TRAPPC9: variants seen among roughly 807,000 people sequenced by gnomAD.
TRAPPC9 encodes trafficking protein particle complex subunit 9.
TRAPPC9 carries 83 observed loss-of-function variants against 124.0 expected under a neutral mutation model. The ratio of observed to expected loss-of-function variants is 0.67; its 90% CI spans 0.56 to 0.80. TRAPPC9 has a LOEUF of 0.80. TRAPPC9 is among the 30% of genes least tolerant of loss of function. The pLI is 0.00. For synonymous variants in TRAPPC9, 638 were observed against 617.5 expected, an observed-to-expected ratio of 1.03 and a Z score of -0.49; for missense variants, 1,302 against 1,508.3, an observed-to-expected ratio of 0.86 and a Z score of 2.27.
chr8:139,734,023 C>G (rs577372187), intron 21 of TRAPPC9, among the ~76,000 whole-genome samples: 1 of 152,348 alleles, frequency 6.6e-6, no homozygotes, highest in Admixed American at 6.5e-5. Flanking sequence ...AGACCCCAAG[C>G]CACTCTTTCG....
At chr8:139,770,379 T>C (rs151041349) in intron 21 of TRAPPC9, among the ~76,000 whole-genome samples, 4 of 152,366 alleles carry the variant, frequency 2.6e-5, no homozygotes, top group Middle Eastern at 3.4e-3. Flanking sequence ...CATGTTTTGC[T>C]CCTTTGCAGA....
chr8:140,343,059 C>T (rs1406750844), intron 9 of TRAPPC9, among the ~76,000 whole-genome samples: 1 of 152,120 alleles, frequency 6.6e-6, no homozygotes, highest in Non-Finnish European at 1.5e-5. Flanking sequence ...AAAAATAACA[C>T]ATTATTGTTT....
At chr8:140,079,609 G>A (rs1843701974) in intron 17 of TRAPPC9, among the ~76,000 whole-genome samples, 1 of 152,124 alleles carries the variant, frequency 6.6e-6, no homozygotes, top group African/African-American at 2.4e-5. Context: ...TGGCACACTG[G>A]CAACAAAAAC....
rs946458380 is a variant in TRAPPC9, at chr8:139,778,277, T to TA, written c.3056-46076dup. On this transcript the variant is annotated intron_variant, in intron 21 of 22. Coordinates refer to ENST00000438773, the MANE Select transcript of TRAPPC9 (RefSeq NM_001160372.4). Reference sequence around the variant, plus strand: ...GACTAAACACTGCTCTGTTCCTGCCTAAAAAAAATCTTAAAAGCAAAACCC... The same window carrying TA: ...GACTAAACACTGCTCTGTTCCTGCCTAAAAAAAAATCTTAAAAGCAAAACCC... 2.3e-4 allele frequency among the ~76,000 whole-genome samples: 35 copies of TA among 152,078 alleles called. No individual in the cohort carries two copies. The East Asian group carries it at 3.7e-3, about 16-fold the overall frequency.
At chr8:139,905,293 A>G (rs1378153796) in intron 20 of TRAPPC9, among the ~76,000 whole-genome samples, 1 of 152,200 alleles carries the variant, frequency 6.6e-6, no homozygotes, top group Non-Finnish European at 1.5e-5. Flanking sequence ...TGATGTGGGC[A>G]AGAAAGCCTA....
At chr8:139,771,107 G>C (rs1183294814) in intron 21 of TRAPPC9, among the ~76,000 whole-genome samples, 2 of 152,102 alleles carry the variant, frequency 1.3e-5, no homozygotes, top group Admixed American at 6.5e-5. Flanking sequence ...GGAGCTGAAA[G>C]GGGGAGCTCA....
intron 15 of TRAPPC9, among the ~76,000 whole-genome samples, chr8:140,271,688 G>A (rs1263033144): frequency 6.6e-6 from 1 of 152,198 alleles, no homozygotes; most frequent in African/African-American, 2.4e-5. Flanking sequence ...AAACCCGAAT[G>A]CTACACCATT....
chr8:139,795,934 G>C (rs749616072), intron 21 of TRAPPC9, among the ~76,000 whole-genome samples: 1 of 152,108 alleles, frequency 6.6e-6, no homozygotes, highest in Non-Finnish European at 1.5e-5. Context: ...AGGAGAAGGC[G>C]GCCAAACTCA....
At chr8:140,190,892 G>T (rs573618377) in intron 17 of TRAPPC9, among the ~76,000 whole-genome samples, 2 of 152,310 alleles carry the variant, frequency 1.3e-5, no homozygotes, top group South Asian at 2.1e-4. Flanking sequence ...GGACTACAGC[G>T]TGTTTTTGCT....
intron 17 of TRAPPC9, among the ~76,000 whole-genome samples, chr8:140,218,047 T>C (rs2063242261): frequency 6.7e-6 from 1 of 149,330 alleles, no homozygotes; most frequent in Non-Finnish European, 1.5e-5. Flanking sequence ...GGCGAAAGTC[T>C]AGAAGGAGTT....
intron 21 of TRAPPC9, among the ~76,000 whole-genome samples, chr8:139,801,922 G>A (rs1438042897): frequency 6.6e-6 from 1 of 152,208 alleles, no homozygotes; most frequent in Admixed American, 6.5e-5. Context: ...GAATCCGCCA[G>A]GGAGTCTCTG....
intron 17 of TRAPPC9, among the ~76,000 whole-genome samples, chr8:140,042,229 G>T (rs1396199383): frequency 6.7e-6 from 1 of 148,976 alleles, no homozygotes; most frequent in Admixed American, 6.7e-5. Context: ...GTGTGTGTGT[G>T]TGTGTACAAA....
chr8:140,422,394 AAC>A (rs2070248521), intron 5 of TRAPPC9, among the ~76,000 whole-genome samples: 1 of 152,206 alleles, frequency 6.6e-6, no homozygotes, highest in Non-Finnish European at 1.5e-5. Context: ...ATGAAAAGAT[AAC>A]ACACAGAATG....
intron 17 of TRAPPC9, among the ~76,000 whole-genome samples, chr8:140,170,645 G>C (rs1267884884): frequency 6.6e-6 from 1 of 152,224 alleles, no homozygotes; most frequent in Non-Finnish European, 1.5e-5. Context: ...CTGGGAAACT[G>C]ATGAGGATCA....
At chr8:140,005,974 T>TTTGTGCTTTCTTAGTGATGAATG (rs1838723175) in intron 18 of TRAPPC9, among the ~76,000 whole-genome samples, 1 of 150,574 alleles carries the variant, frequency 6.6e-6, no homozygotes, top group Non-Finnish European at 1.5e-5. Context: ...TCTTTTAGAA[T>TTTGTGCTTTCTTAGTGATGAATG]ACTTTGGAAT....
At chr8:140,258,235 G>T (rs1339309014) in intron 15 of TRAPPC9, among the ~76,000 whole-genome samples, 1 of 152,214 alleles carries the variant, frequency 6.6e-6, no homozygotes. Context: ...AGGAGGGCTT[G>T]GGCAGGTTCA....
intron 17 of TRAPPC9, among the ~76,000 whole-genome samples, chr8:140,110,096 G>A (rs537047818): frequency 6.6e-6 from 1 of 151,926 alleles, no homozygotes; most frequent in South Asian, 2.1e-4. Flanking sequence ...ACAGTGGAGA[G>A]TAGGGCCGCA....
chr8:140,327,416 C>T (rs1374626445), intron 9 of TRAPPC9, among the ~76,000 whole-genome samples: 12 of 152,126 alleles, frequency 7.9e-5, no homozygotes, highest in Non-Finnish European at 1.6e-4. Context: ...TACATATATA[C>T]CAAAAACCAT....
intron 17 of TRAPPC9, among the ~76,000 whole-genome samples, chr8:140,085,252 C>T (rs562713119): frequency 1.3e-5 from 2 of 151,936 alleles, no homozygotes; most frequent in African/African-American, 2.4e-5. Flanking sequence ...CACACGCCCA[C>T]GTCCAGCAGG....
Sources: gnomAD v4.1 joint callset for allele counts (sites outside exome capture counted in the v4.1 genomes callset) on GRCh38, gnomAD v4.1.1 for gene constraint, MANE v1.5 for transcripts, NCBI Gene and HGNC (gene_info 2026-07-23, HGNC 2026-07-21) for gene names.